The following GIGYF2 variants were observed in gnomAD, a reference collection of about 807,000 sequenced individuals.
GIGYF2 encodes the protein GRB10 interacting GYF protein 2.
GIGYF2 carries 25 observed loss-of-function variants against 208.1 expected under a neutral mutation model. The observed-to-expected ratio is 0.12, with a 90% CI of 0.09 to 0.17. GIGYF2 has a LOEUF of 0.17. Ranked by LOEUF, GIGYF2 falls within the 10% of genes least tolerant of loss-of-function variation. The pLI, the probability that GIGYF2 is intolerant of heterozygous loss-of-function variation, is 1.00. For synonymous variants in GIGYF2, 534 were observed against 543.8 expected (o/e 0.98, Z 0.25); for missense variants, 1,302 against 1,579.4 (o/e 0.82, Z 2.98).
chr2:232,858,478 GC>G lies in GIGYF2; in HGVS notation c.*1619del, dbSNP rs1690654177. On this transcript the variant is annotated 3_prime_UTR_variant, in exon 29 of 29. Coordinates refer to ENST00000373563, the MANE Select transcript of GIGYF2 (RefSeq NM_001103146.3). ...GGAGAGGAAACCATTAAAAGTTGGG[GC>G]TCCTACTCTCCTTTGCTTTGTAAAT... 1 of 455,686 alleles carries G rather than the reference GC, an allele frequency of 2.2e-6. No individual in the cohort carries two copies. 28.2% of individuals were successfully genotyped at this position (455,686 alleles called of 1,614,324 possible).
chr2:232,756,635 G>A (rs937567313), intron 6 of GIGYF2, among the ~76,000 whole-genome samples: 4 of 152,134 alleles, frequency 2.6e-5, no homozygotes, highest in African/African-American at 7.2e-5. Flanking sequence ...CACTCTGGGA[G>A]CCAACGACTC....
chr2:232,776,365 G>T, intron 8 of GIGYF2: 1 of 997,222 alleles, frequency 1.0e-6, no homozygotes, highest in Non-Finnish European at 1.6e-6. Flanking sequence ...AAGTAATCTA[G>T]CTCTGTTGCT....
chr2:232,825,542 G>A (rs1223580155), intron 21 of GIGYF2, among the ~76,000 whole-genome samples: 9 of 152,134 alleles, frequency 5.9e-5, no homozygotes, highest in Admixed American at 5.9e-4. Flanking sequence ...AAGTTTGAAT[G>A]TGTCAGCAGT....
intron 1 of GIGYF2, among the ~76,000 whole-genome samples, chr2:232,697,678 G>A (rs1393190030): frequency 1.3e-5 from 2 of 152,246 alleles, no homozygotes; most frequent in South Asian, 2.1e-4. Flanking sequence ...CTAGGCCAGG[G>A]CCTCTTGGCA....
At position 232,836,399 on chromosome 2, in the gene GIGYF2, A is replaced by AT. The variant is rs1574940628; in HGVS notation, c.2766+3306_2766+3307insT. Among the ~76,000 whole-genome samples, 55 of 47,768 alleles carry AT rather than the reference A, an allele frequency of 1.2e-3. 7 individuals carry two copies. Among genetic ancestry groups the AT allele is most frequent in the Admixed American group, 5.1e-3 (14 of 2,766 alleles). 31.3% of individuals were successfully genotyped at this position (47,768 alleles called of 152,430 possible). A position where few individuals can be genotyped will look rare whatever the true frequency, so the allele number is the denominator to read the frequency against. On this transcript the variant is annotated intron_variant, in intron 22 of 28. Coordinates refer to ENST00000373563, the MANE Select transcript of GIGYF2 (RefSeq NM_001103146.3). ...ATAAATATAAATATATATAAATATA[A>AT]ATATATATATAAATAAATTATTCAG...
intron 21 of GIGYF2, chr2:232,828,867 A>G (rs1199800524): frequency 1.3e-5 from 2 of 152,166 alleles, no homozygotes; most frequent in South Asian, 2.1e-4. Context: ...CAGCCCCCCA[A>G]AGTGCTAGAA....
chr2:232,754,682 T>C (rs1159816962), intron 5 of GIGYF2, among the ~76,000 whole-genome samples: 1 of 152,166 alleles, frequency 6.6e-6, no homozygotes, highest in Non-Finnish European at 1.5e-5. Flanking sequence ...GAGACATTAT[T>C]TAGTACCCCA....
intron 8 of GIGYF2, among the ~76,000 whole-genome samples, chr2:232,786,706 C>T (rs1471583100): frequency 6.6e-6 from 1 of 152,182 alleles, no homozygotes; most frequent in Non-Finnish European, 1.5e-5. Flanking sequence ...GCAAGATACA[C>T]TGTTAGTGAA....
intron 8 of GIGYF2, chr2:232,766,542 C>G (rs1698969580): frequency 6.6e-6 from 1 of 152,462 alleles, no homozygotes; most frequent in African/African-American, 2.4e-5. Flanking sequence ...TTCTTGCTGT[C>G]TTTATGTGTT....
At chr2:232,738,155 G>A (rs184715562) in intron 3 of GIGYF2, among the ~76,000 whole-genome samples, 3 of 152,130 alleles carry the variant, frequency 2.0e-5, no homozygotes, top group Non-Finnish European at 4.4e-5. Flanking sequence ...GACCTCAGGT[G>A]ATCCGTCTAC....
At chr2:232,856,374 A>G (rs1049108020) in intron 28 of GIGYF2, among the ~76,000 whole-genome samples, 1 of 152,146 alleles carries the variant, frequency 6.6e-6, no homozygotes, top group African/African-American at 2.4e-5. Context: ...GTCTCCCTGT[A>G]ATACTTCTAT....
In GIGYF2 at chr2:232,856,931, C is replaced by T. The variant is rs1296089464; in HGVS notation, c.*71C>T. Reference sequence around the variant, plus strand: ...GGAGTCTCCACCTTTGGACACAACACTTACTCACCATTTACTCTTTATCAC... The same window carrying T: ...GGAGTCTCCACCTTTGGACACAACATTTACTCACCATTTACTCTTTATCAC... On this transcript the variant is annotated 3_prime_UTR_variant, in exon 29 of 29. Coordinates refer to ENST00000373563, the MANE Select transcript of GIGYF2 (RefSeq NM_001103146.3). 2.1e-6 allele frequency: 2 copies of T among 962,316 alleles called. No homozygotes were observed. Among genetic ancestry groups the T allele is most frequent in the Non-Finnish European group, 3.4e-6 (2 of 584,308 alleles). The allele number at this position is 962,316 out of a possible 1,614,324, so 59.6% of individuals were successfully genotyped here.
chr2:232,737,498 T>G (rs1447512658), intron 3 of GIGYF2, among the ~76,000 whole-genome samples: 2 of 152,156 alleles, frequency 1.3e-5, no homozygotes, highest in African/African-American at 2.4e-5. Flanking sequence ...AGTGCCCTAT[T>G]TGTATCATCT....
intron 23 of GIGYF2, among the ~76,000 whole-genome samples, chr2:232,841,609 C>T (rs1300642490): frequency 2.0e-5 from 3 of 152,074 alleles, no homozygotes; most frequent in African/African-American, 7.2e-5. Context: ...GCCACCGTGC[C>T]CTGCCTTCAT....
At chr2:232,812,813 T>TAGTAATGG (rs1409235790) in intron 18 of GIGYF2, among the ~76,000 whole-genome samples, 1 of 152,096 alleles carries the variant, frequency 6.6e-6, no homozygotes, top group East Asian at 1.9e-4. Context: ...CATAAAAACA[T>TAGTAATGG]AGTAATGGTG....
chr2:232,732,324 C>A (rs962987670), intron 2 of GIGYF2, among the ~76,000 whole-genome samples: 3 of 151,836 alleles, frequency 2.0e-5, no homozygotes, highest in African/African-American at 7.2e-5. Flanking sequence ...GTGTGTTTTT[C>A]CCCCCTTTCT....
Position 232,813,974 on chromosome 2 carries a change from G to A in GIGYF2, c.2107+1483G>A, listed in dbSNP as rs537137974. 4.3e-4 allele frequency among the ~76,000 whole-genome samples: 60 copies of A among 140,832 alleles called. No homozygotes were observed. In the South Asian group the frequency reaches 0.011, roughly 25 times the overall value. The allele number at this position is 140,832 out of a possible 152,430, so 92.4% of individuals were successfully genotyped here. ...ACAATCTCGGGTCACTGCAACCTCT[G>A]CCTCCTGGGTTCAAGAGATTCCCCT... is the stretch of plus-strand genomic sequence containing the variant. On this transcript the variant is annotated intron_variant, in intron 18 of 28. Transcript: ENST00000373563.
At chr2:232,773,020 TTGAGCTAATGGAACACTGGGA>T (rs1412370614) in intron 8 of GIGYF2, among the ~76,000 whole-genome samples, 1 of 152,120 alleles carries the variant, frequency 6.6e-6, no homozygotes, top group African/African-American at 2.4e-5. Context: ...TTCTTCAGAT[TTGAGCTAATGGAACACTGGGA>T]TGATTGTTCA....
intron 9 of GIGYF2, chr2:232,788,425 C>A: frequency 3.3e-6 from 1 of 307,682 alleles, no homozygotes; most frequent in Non-Finnish European, 7.1e-6. Context: ...AGTCTGTGAC[C>A]TGGGCCAGAT....
Sources: allele counts gnomAD v4.1 joint callset (sites outside exome capture counted in the v4.1 genomes callset), GRCh38; gene constraint gnomAD v4.1.1; transcripts MANE v1.5; gene names NCBI Gene and HGNC (gene_info 2026-07-23, HGNC 2026-07-21).